The following ESCO1 variants were observed in gnomAD, a reference collection of about 807,000 sequenced individuals.
ESCO1 encodes N-acetyltransferase ESCO1.
A neutral mutation model predicts 83.5 loss-of-function variants in ESCO1; 33 were observed. That is an observed-to-expected ratio of 0.40 (90% CI 0.30 to 0.53). The LOEUF (loss-of-function observed/expected upper bound fraction) is 0.53, where lower values mean the gene tolerates loss of function less well. Ranked by LOEUF, ESCO1 falls within the 20% of genes least tolerant of loss-of-function variation. The pLI, the probability that ESCO1 is intolerant of heterozygous loss-of-function variation, is 0.63. For synonymous variants in ESCO1, 332 were observed against 324.3 expected, an observed-to-expected ratio of 1.02 and a Z score of -0.25; for missense variants, 855 against 968.0, an observed-to-expected ratio of 0.88 and a Z score of 1.55.
rs2037835378 is a variant in ESCO1 at position 21,536,203 on chromosome 18, GTAAT to G, written c.2044-22_2044-19del. 1.2e-6 allele frequency: 2 copies of G among 1,601,374 alleles called. No homozygotes were observed. Among genetic ancestry groups the G allele is most frequent in the Non-Finnish European group, 1.7e-6 (2 of 1,175,844 alleles). On this transcript the variant is annotated intron_variant, in intron 9 of 11. Transcript: ENST00000269214. ...TCGTCAACCTGCCAAATAAAGAACA[GTAAT>G]TATTTTTAAATGAAAATATTATATA...
At chr18:21,552,535 G>A (rs1341842897) in intron 8 of ESCO1, among the ~76,000 whole-genome samples, 6 of 152,170 alleles carry the variant, frequency 3.9e-5, no homozygotes, top group African/African-American at 7.2e-5. Context: ...GGCCTTCCTA[G>A]CCATGCAGAA....
In ESCO1 at chr18:21,585,998, C is replaced by T. The variant is rs117925190; in HGVS notation, c.-824-1558G>A. ...CCACGTAATAATCAAATCATGATAA[C>T]TGGGATAATTCATCACCTCAAACAC... On this transcript the variant is annotated intron_variant, in intron 1 of 11. Transcript: ENST00000269214. 4.5e-4 allele frequency among the ~76,000 whole-genome samples: 68 copies of T among 152,296 alleles called. No individual in the cohort carries two copies. The East Asian group carries it at 0.01, about 22-fold the overall frequency.
intron 8 of ESCO1, among the ~76,000 whole-genome samples, chr18:21,552,916 T>G (rs1191835392): frequency 6.6e-6 from 1 of 152,208 alleles, no homozygotes; most frequent in Non-Finnish European, 1.5e-5. Context: ...AATGACATTT[T>G]AAGTATACCA....
chr18:21,546,382 C>A (rs1040115049), intron 8 of ESCO1, among the ~76,000 whole-genome samples: 1 of 144,244 alleles, frequency 6.9e-6, no homozygotes, highest in African/African-American at 2.4e-5. Context: ...TGAAACCCTG[C>A]CTCCACCAAA....
chr18:21,548,939 TAA>T (rs796154017), intron 8 of ESCO1, among the ~76,000 whole-genome samples: 17 of 140,198 alleles, frequency 1.2e-4, no homozygotes, highest in Admixed American at 1.4e-4. Flanking sequence ...CCCTGTCTCT[TAA>T]AAAAAAAAAA....
intron 6 of ESCO1, among the ~76,000 whole-genome samples, chr18:21,565,579 A>G (rs1349929486): frequency 6.6e-6 from 1 of 152,218 alleles, no homozygotes; most frequent in Non-Finnish European, 1.5e-5. Flanking sequence ...CAAAATGTTC[A>G]TAAAGCATAG....
chr18:21,554,472 A>T (rs2038087161), intron 8 of ESCO1, among the ~76,000 whole-genome samples: 1 of 152,226 alleles, frequency 6.6e-6, no homozygotes, highest in South Asian at 2.1e-4. Flanking sequence ...TCAAAGCCAT[A>T]AAAAGACATG....
Position 21,548,576 on chromosome 18 carries a change from G to T in ESCO1, c.1954-8567C>A, listed in dbSNP as rs535841072. 6.6e-5 allele frequency among the ~76,000 whole-genome samples: 10 copies of T among 152,086 alleles called. No individual in the cohort carries two copies. The South Asian group carries it at 1.0e-3, about 16-fold the overall frequency. The stretch of plus-strand genomic sequence containing the variant: ...GCACTTTGGGAGGCCGAGGTGAGAG[G>T]GCTGCTTGAGGCTGGAGTTTCAAGA... On this transcript the variant is annotated intron_variant, in intron 8 of 11. Coordinates refer to ENST00000269214, the MANE Select transcript of ESCO1 (RefSeq NM_052911.3).
At chr18:21,556,770 G>A (rs980768134) in intron 8 of ESCO1, among the ~76,000 whole-genome samples, 97 of 151,930 alleles carry the variant, frequency 6.4e-4, no homozygotes, top group African/African-American at 2.3e-3. Flanking sequence ...GCACGATCTC[G>A]GCTCACTGCA....
Position 21,530,051 on chromosome 18 carries a change from G to A in ESCO1, c.*292C>T, listed in dbSNP as rs2037746848. On this transcript the variant is annotated 3_prime_UTR_variant, in exon 12 of 12. Transcript: ENST00000269214. ...CACTGAGACCATAGTCCTTGCATTA[G>A]TTTTCAGTCCACTATGAACAATTAT... 4.2e-6 allele frequency: 1 copy of A among 237,478 alleles called. No individual in the cohort carries two copies. The highest frequency in any genetic ancestry group is 1.7e-4 in the South Asian group (1 of 5,900). 14.7% of individuals were successfully genotyped at this position (237,478 alleles called of 1,614,324 possible).
At chr18:21,571,143 C>T (rs1172871220) in intron 4 of ESCO1, among the ~76,000 whole-genome samples, 1 of 151,892 alleles carries the variant, frequency 6.6e-6, no homozygotes, top group Non-Finnish European at 1.5e-5. Context: ...TTGCAATATT[C>T]CAGAATTTCA....
chr18:21,565,907 G>C (rs1333319842), intron 6 of ESCO1, among the ~76,000 whole-genome samples: 1 of 151,964 alleles, frequency 6.6e-6, no homozygotes, highest in Non-Finnish European at 1.5e-5. Context: ...CTCCAGCCTG[G>C]GTAAGTGAGC....
At chr18:21,580,820 G>A (rs570264133) in intron 2 of ESCO1, among the ~76,000 whole-genome samples, 18 of 151,974 alleles carry the variant, frequency 1.2e-4, no homozygotes, top group Middle Eastern at 3.4e-3. Context: ...AGGAACCCCC[G>A]TCTCTACTAA....
intron 9 of ESCO1, 66 bp downstream of exon 9, chr18:21,539,852 TAA>T (rs35487404): frequency 6.2e-3 from 6,669 of 1,067,818 alleles, no homozygotes; most frequent in South Asian, 8.1e-3. Context: ...TGTCTCAGGG[TAA>T]AAAAAAAAAA....
chr18:21,553,800 T>C (rs941247945), intron 8 of ESCO1, among the ~76,000 whole-genome samples: 3 of 148,298 alleles, frequency 2.0e-5, no homozygotes, highest in Non-Finnish European at 4.5e-5. Flanking sequence ...GAGGTTGCAG[T>C]GAGCCGAGAT....
chr18:21,546,233 T>C (rs2037971789), intron 8 of ESCO1, among the ~76,000 whole-genome samples: 1 of 151,958 alleles, frequency 6.6e-6, no homozygotes, highest in Non-Finnish European at 1.5e-5. Context: ...TCTCTAAAAC[T>C]TGGTTTCCTC....
At chr18:21,562,070 G>A (rs962493616) in intron 7 of ESCO1, among the ~76,000 whole-genome samples, 4 of 150,136 alleles carry the variant, frequency 2.7e-5, no homozygotes, top group Non-Finnish European at 5.9e-5. Flanking sequence ...AATAGAGACC[G>A]GGTTTTGCCA....
chr18:21,571,619 A>G lies in ESCO1; in HGVS notation c.1530+1695T>C, dbSNP rs568840152. On this transcript the variant is annotated intron_variant, in intron 4 of 11. Coordinates refer to ENST00000269214, the MANE Select transcript of ESCO1 (RefSeq NM_052911.3). ...AAACATCTTCATTCAAGTACAGTTTAGTACAAAGGAATGAATTAGATTTCA... is the reference window on the plus strand; with the variant it reads ...AAACATCTTCATTCAAGTACAGTTTGGTACAAAGGAATGAATTAGATTTCA... Among the ~76,000 whole-genome samples the G allele has an allele frequency of 3.3e-5, 5 of 152,378 alleles. No individual in the cohort carries two copies. The East Asian group carries it at 5.8e-4, about 18-fold the overall frequency.
chr18:21,549,913 G>T (rs547615738), intron 8 of ESCO1, among the ~76,000 whole-genome samples: 23 of 150,786 alleles, frequency 1.5e-4, no homozygotes, highest in African/African-American at 5.6e-4. Context: ...GTGGCAGTGA[G>T]CCAAGATCAC....
Sources: gnomAD v4.1 joint callset for allele counts (sites outside exome capture counted in the v4.1 genomes callset) on GRCh38, gnomAD v4.1.1 for gene constraint, MANE v1.5 for transcripts, NCBI Gene and HGNC (gene_info 2026-07-23, HGNC 2026-07-21) for gene names.